Variants in ADAM12 observed in about 807,000 individuals in gnomAD.
The protein encoded by ADAM12 is ADAM metallopeptidase domain 12.
Under a neutral mutation model 106.4 loss-of-function variants are expected in ADAM12, and 70 were observed. The ratio of observed to expected loss-of-function variants is 0.66; its 90% CI spans 0.54 to 0.80. The LOEUF is 0.80. Among genes scored for constraint, ADAM12 ranks in the 30% least tolerant of loss-of-function variants. The pLI is 0.00. For synonymous variants in ADAM12, 420 were observed against 433.5 expected, an observed-to-expected ratio of 0.97 and a Z score of 0.39; for missense variants, 1,010 against 1,171.9, an observed-to-expected ratio of 0.86 and a Z score of 2.02.
chr10:126,282,832 G>A (rs1422358831), intron 2 of ADAM12, among the ~76,000 whole-genome samples: 25 of 152,098 alleles, frequency 1.6e-4, no homozygotes, highest in Admixed American at 1.3e-3. Context: ...ACCAGTGGCC[G>A]GTTTTGTGGA....
At chr10:126,208,259 T>C (rs1460340805) in intron 3 of ADAM12, among the ~76,000 whole-genome samples, 1 of 152,212 alleles carries the variant, frequency 6.6e-6, no homozygotes, top group African/African-American at 2.4e-5. Context: ...CTGCAGATAC[T>C]TTTGGTTGTC....
intron 1 of ADAM12, among the ~76,000 whole-genome samples, chr10:126,352,318 A>G (rs1855391596): frequency 6.6e-6 from 1 of 152,184 alleles, no homozygotes; most frequent in Non-Finnish European, 1.5e-5. Flanking sequence ...CCTTCAATTT[A>G]TCTTTATAGT....
At chr10:126,352,583 G>A (rs923383177) in intron 1 of ADAM12, among the ~76,000 whole-genome samples, 5 of 152,190 alleles carry the variant, frequency 3.3e-5, no homozygotes, top group African/African-American at 9.7e-5. Flanking sequence ...GCTGGTCAGC[G>A]TTGCTATGCA....
At chr10:126,332,830 G>A (rs1199423673) in intron 1 of ADAM12, among the ~76,000 whole-genome samples, 2 of 152,240 alleles carry the variant, frequency 1.3e-5, no homozygotes, top group Non-Finnish European at 2.9e-5. Flanking sequence ...GCCAAGACCA[G>A]GGTCTCTTGC....
chr10:126,201,414 G>A (rs765104870), intron 3 of ADAM12, among the ~76,000 whole-genome samples: 16 of 152,078 alleles, frequency 1.1e-4, no homozygotes, highest in Admixed American at 2.0e-4. Flanking sequence ...AGACTGGAGT[G>A]TTGTTGCCAC....
chr10:126,260,561 A>G (rs1035263671), intron 3 of ADAM12, among the ~76,000 whole-genome samples: 1 of 59,360 alleles, frequency 1.7e-5, no homozygotes, highest in Non-Finnish European at 4.7e-5. Flanking sequence ...CAGGTCCCTC[A>G]TTCTGAACAT....
intron 1 of ADAM12, among the ~76,000 whole-genome samples, chr10:126,352,966 C>T (rs144150746): frequency 1.1e-3 from 161 of 152,292 alleles, no homozygotes; most frequent in Middle Eastern, 3.4e-3. Flanking sequence ...TCTCTGACCA[C>T]CAGCTAAAGT....
At chr10:126,178,593 A>C (rs80006492) in intron 3 of ADAM12, among the ~76,000 whole-genome samples, 4,409 of 152,258 alleles carry the variant, frequency 0.029, 101 homozygotes, top group Non-Finnish European at 0.041. Context: ...GTACTAGAAC[A>C]CAACAGAAAC....
intron 3 of ADAM12, among the ~76,000 whole-genome samples, chr10:126,189,005 C>T (rs1395009086): frequency 6.6e-6 from 1 of 152,198 alleles, no homozygotes; most frequent in Non-Finnish European, 1.5e-5. Flanking sequence ...CATCCATGAA[C>T]ATGTTCTAAG....
At chr10:126,339,777 A>C (rs934990794) in intron 1 of ADAM12, among the ~76,000 whole-genome samples, 11 of 149,628 alleles carry the variant, frequency 7.4e-5, no homozygotes, top group Non-Finnish European at 1.2e-4. Flanking sequence ...GACAAGGCTC[A>C]GACTGTGGCG....
At chr10:126,251,519 G>T (rs1040575802) in intron 3 of ADAM12, among the ~76,000 whole-genome samples, 1 of 151,944 alleles carries the variant, frequency 6.6e-6, no homozygotes, top group East Asian at 1.9e-4. Context: ...GAATGGATGG[G>T]ATGGACAGGA....
chr10:126,143,077 ATG>A, intron 4 of ADAM12, among the ~76,000 whole-genome samples: 1 of 149,534 alleles, frequency 6.7e-6, no homozygotes, highest in East Asian at 2.0e-4. Flanking sequence ...ATATGTGTGC[ATG>A]TGTGTATATG....
At chr10:126,083,461 T>C (rs1955271323) in intron 11 of ADAM12, among the ~76,000 whole-genome samples, 2 of 152,286 alleles carry the variant, frequency 1.3e-5, no homozygotes, top group South Asian at 4.1e-4. Context: ...AGCAGTAGTA[T>C]CCATGGGTTG....
intron 1 of ADAM12, among the ~76,000 whole-genome samples, chr10:126,382,835 T>C (rs981370619): frequency 3.3e-5 from 5 of 152,148 alleles, no homozygotes; most frequent in Admixed American, 2.0e-4. Context: ...TCAGAGTTAA[T>C]AGCAATTTTA....
intron 3 of ADAM12, among the ~76,000 whole-genome samples, chr10:126,233,499 C>T (rs1304366016): frequency 1.3e-5 from 2 of 151,980 alleles, no homozygotes; most frequent in African/African-American, 4.8e-5. Context: ...CACCGCAGGG[C>T]CCACATGGTT....
chr10:126,243,758 G>A (rs981824310), intron 3 of ADAM12, among the ~76,000 whole-genome samples: 6 of 152,172 alleles, frequency 3.9e-5, no homozygotes, highest in Admixed American at 2.6e-4. Context: ...TAGAGAACCA[G>A]CCAAATGGAA....
intron 3 of ADAM12, among the ~76,000 whole-genome samples, chr10:126,159,711 C>A (rs1239986528): frequency 6.6e-6 from 1 of 152,142 alleles, no homozygotes; most frequent in Non-Finnish European, 1.5e-5. Context: ...TTTTGATAGA[C>A]AACTGTCAGC....
At chr10:126,225,816 A>G (rs1565150748) in intron 3 of ADAM12, among the ~76,000 whole-genome samples, 2 of 152,210 alleles carry the variant, frequency 1.3e-5, no homozygotes, top group Admixed American at 6.5e-5. Context: ...TGGAACTGCA[A>G]CTGGGAATTC....
intron 2 of ADAM12, among the ~76,000 whole-genome samples, chr10:126,290,681 C>G (rs1329656076): frequency 6.6e-6 from 1 of 152,118 alleles, no homozygotes; most frequent in African/African-American, 2.4e-5. Context: ...TCAAAATGGG[C>G]ATAATAAATG....
Sources: allele counts gnomAD v4.1 joint callset (sites outside exome capture counted in the v4.1 genomes callset), GRCh38; gene constraint gnomAD v4.1.1; transcripts MANE v1.5; gene names NCBI Gene and HGNC (gene_info 2026-07-23, HGNC 2026-07-21).